The following BUB1B variants were observed in gnomAD, a reference collection of about 807,000 sequenced individuals.
The protein encoded by BUB1B is mitotic checkpoint serine/threonine-protein kinase BUB1 beta.
In BUB1B, 86 loss-of-function variants were observed where a neutral mutation model predicts 137.7. The observed-to-expected ratio is 0.62, with a 90% CI of 0.52 to 0.75. The LOEUF (loss-of-function observed/expected upper bound fraction) is 0.75. Among genes scored for constraint, BUB1B ranks in the 30% least tolerant of loss-of-function variants. The probability of loss-of-function intolerance (pLI) is 0.00; values close to 1 mark genes in which losing one functional copy is unlikely to be tolerated. For missense variants in BUB1B, 1,130 were observed against 1,236.9 expected, an observed-to-expected ratio of 0.91 and a Z score of 1.30; for synonymous variants, 420 against 417.9, an observed-to-expected ratio of 1.00 and a Z score of -0.06.
chr15:40,186,110 G>A (rs1214797956), intron 8 of BUB1B, among the ~76,000 whole-genome samples: 4 of 152,174 alleles, frequency 2.6e-5, no homozygotes, highest in Non-Finnish European at 5.9e-5. Context: ...GGCGGTATTT[G>A]GGCAGGGTAG....
Position 40,218,471 on chromosome 15 carries a change from A to G in BUB1B, c.2866A>G (p.Ile956Val), listed in dbSNP as rs775844666. The change falls in exon 22 of 23, where the codon ATA (isoleucine) becomes GTA (valine). Residue 956 changes from isoleucine to valine, a missense_variant. Physicochemically the swap from Ile to Val is conservative, Grantham distance 29. Coordinates refer to ENST00000287598, the MANE Select transcript of BUB1B (RefSeq NM_001211.6). ...SSPYQVDLFG[I>V]ADLAHLLLFK... Reference sequence around the variant, plus strand: ...GTGATTTCAGGTAGACCTGTTTGGTATAGCAGATTTAGCACATTTACTATT... The same window carrying G: ...GTGATTTCAGGTAGACCTGTTTGGTGTAGCAGATTTAGCACATTTACTATT... 9.9e-6 allele frequency: 16 copies of G among 1,613,488 alleles called. No individual in the cohort carries two copies. The highest frequency in any genetic ancestry group is 3.3e-5 in the Admixed American group (2 of 59,998).
At chr15:40,190,120 G>A (rs1566822077) in intron 8 of BUB1B, among the ~76,000 whole-genome samples, 1 of 152,258 alleles carries the variant, frequency 6.6e-6, no homozygotes, top group East Asian at 1.9e-4. Context: ...AAACTTGATA[G>A]TACCAAACCA....
At chr15:40,163,531 G>A (rs981966859) in intron 1 of BUB1B, among the ~76,000 whole-genome samples, 3 of 152,138 alleles carry the variant, frequency 2.0e-5, no homozygotes, top group African/African-American at 7.2e-5. Context: ...ACTTTGTGGT[G>A]GTAGGAGGTA....
rs1216652807 is a variant in BUB1B, at chr15:40,209,766, A to G, written c.2275A>G (p.Ile759Val). ...GCCTAAGTTGGAAATTGAGAAGGAA[A>G]TTGAATTAGGTAAGTACCATTGAAC... ...PMPKLEIEKE[I>V]ELGNEDYCIK... Residue 759 changes from isoleucine (I) to valine (V), a missense_variant, in exon 17 of 23, where the codon ATT (isoleucine) becomes GTT (valine). Ile to Val is a conservative substitution (Grantham distance 29, BLOSUM62 3). Coordinates refer to ENST00000287598, the MANE Select transcript of BUB1B (RefSeq NM_001211.6). 6.2e-7 allele frequency: 1 copy of G among 1,614,146 alleles called. No homozygotes were observed. Among genetic ancestry groups the G allele is most frequent in the Admixed American group, 1.7e-5 (1 of 60,026 alleles).
intron 14 of BUB1B, 75 bp from the exon 15 acceptor site, chr15:40,206,109 A>T: frequency 6.9e-7 from 1 of 1,459,638 alleles, no homozygotes; most frequent in Non-Finnish European, 9.6e-7. Flanking sequence ...CACTGAGCTA[A>T]TATGTCTCTC....
intron 5 of BUB1B, among the ~76,000 whole-genome samples, chr15:40,180,971 CTG>C (rs1240115358): frequency 6.6e-6 from 1 of 151,760 alleles, no homozygotes; most frequent in African/African-American, 2.4e-5. Context: ...AATAAGAAAT[CTG>C]TAGTCATTTA....
intron 8 of BUB1B, among the ~76,000 whole-genome samples, chr15:40,191,973 G>C (rs937654845): frequency 2.0e-5 from 3 of 151,996 alleles, no homozygotes; most frequent in African/African-American, 7.2e-5. Context: ...TGACTATTCT[G>C]ATTCTCTTGT....
intron 8 of BUB1B, among the ~76,000 whole-genome samples, chr15:40,191,150 A>G (rs2037432549): frequency 6.6e-6 from 1 of 152,126 alleles, no homozygotes; most frequent in Non-Finnish European, 1.5e-5. Context: ...AGCATCCCAA[A>G]ATGCTGGGAT....
intron 15 of BUB1B, 88 bp downstream of exon 15, chr15:40,206,546 G>C: frequency 6.5e-7 from 1 of 1,544,622 alleles, no homozygotes. Flanking sequence ...CAGTTATCAA[G>C]TTCTTACTAA....
chr15:40,185,451 AC>A, intron 7 of BUB1B, 72 bp downstream of exon 7: 1 of 1,589,362 alleles, frequency 6.3e-7, no homozygotes, highest in South Asian at 1.1e-5. Context: ...AAGTATTTTT[AC>A]CATCTCTTTT....
chr15:40,185,137 C>G, intron 6 of BUB1B, 28 bp from the exon 7 acceptor site: 2 of 1,566,146 alleles, frequency 1.3e-6, no homozygotes, highest in Non-Finnish European at 1.8e-6. Flanking sequence ...AAACATTTTA[C>G]ATGAGGTTTT....
intron 6 of BUB1B, 55 bp downstream of exon 6, chr15:40,183,938 T>G: frequency 6.4e-7 from 1 of 1,569,726 alleles, no homozygotes; most frequent in Non-Finnish European, 8.7e-7. Context: ...GGTAAAATCA[T>G]GTAAGAAGAT....
intron 21 of BUB1B, 22 bp from the exon 22 acceptor site, chr15:40,218,434 A>G: frequency 6.4e-7 from 1 of 1,560,912 alleles, no homozygotes; most frequent in Non-Finnish European, 8.8e-7. Flanking sequence ...ATTTTAGCTG[A>G]TGGTGCTTTT....
rs1354561256 is a variant in BUB1B, at chr15:40,183,759, G to A, written c.627G>A (p.Glu209=). The A allele has an allele frequency of 1.2e-6, 2 of 1,614,088 alleles. No individual in the cohort carries two copies. Among genetic ancestry groups the A allele is most frequent in the Non-Finnish European group, 1.7e-6 (2 of 1,180,000 alleles). ...CTCGGCAAACTCTGTTGGCACTTGA[G>A]AAAGAAGAAGAGGAGGAAGTTTTTG... ...RVSRQTLLAL[E]KEEEEEVFES... Residue 209 remains glutamate (E), a synonymous_variant, in exon 6 of 23, where the codon GAG becomes GAA. Coordinates refer to ENST00000287598, the MANE Select transcript of BUB1B (RefSeq NM_001211.6).
intron 18 of BUB1B, among the ~76,000 whole-genome samples, chr15:40,211,353 G>A (rs1400825276): frequency 6.6e-6 from 1 of 151,960 alleles, no homozygotes; most frequent in Non-Finnish European, 1.5e-5. Context: ...TTAAGTATGG[G>A]ACATTGAAAG....
intron 3 of BUB1B, 58 bp downstream of exon 3, chr15:40,170,179 C>A (rs751094435): frequency 6.7e-7 from 1 of 1,502,568 alleles, no homozygotes; most frequent in Non-Finnish European, 9.3e-7. Context: ...TCCTTATGGC[C>A]ATGTTTCTCA....
In BUB1B at chr15:40,183,710, T is replaced by G; in HGVS notation, c.582-4T>G. The G allele has an allele frequency of 6.2e-7, 1 of 1,613,998 alleles. No individual in the cohort carries two copies. Among genetic ancestry groups the G allele is most frequent in the Non-Finnish European group, 8.5e-7 (1 of 1,179,902 alleles). ...ACTAAAAGTTGTGCATTCTGCTACT[T>G]TAGACAATTCCAAGCTCGAGTGTCT... is the stretch of plus-strand genomic sequence containing the variant. On this transcript the variant is annotated splice_polypyrimidine_tract_variant and splice_region_variant and intron_variant, in intron 5 of 22. Transcript: ENST00000287598.
chr15:40,192,840 C>T (rs572407375), intron 8 of BUB1B, among the ~76,000 whole-genome samples: 2 of 152,206 alleles, frequency 1.3e-5, no homozygotes, highest in Admixed American at 6.5e-5. Flanking sequence ...AATAAGGTTG[C>T]GGTAGACATT....
rs756759220 is a variant in BUB1B at position 40,185,305 on chromosome 15, C to T, written c.892C>T (p.Pro298Ser). 5 of 1,614,090 alleles carry T rather than the reference C, an allele frequency of 3.1e-6. No individual in the cohort carries two copies. Among genetic ancestry groups the T allele is most frequent in the South Asian group, 2.2e-5 (2 of 91,082 alleles). The change falls in exon 7 of 23, where the codon CCC becomes TCC. Residue 298 changes from proline (P) to serine (S), a missense_variant. By Grantham distance (74) the Pro-to-Ser change is moderately conservative (BLOSUM62 -1). Coordinates refer to ENST00000287598, the MANE Select transcript of BUB1B (RefSeq NM_001211.6). The stretch of plus-strand genomic sequence containing the variant: ...GCCTACAGTCCAGCCATGGATAGCA[C>T]CCCCCATGCCCAGGGCCAAAGAGAA... Reference protein sequence around the residue: ...SKPTVQPWIAPPMPRAKENEL... With the variant: ...SKPTVQPWIASPMPRAKENEL...
Sources: gnomAD v4.1 joint callset for allele counts (sites outside exome capture counted in the v4.1 genomes callset) on GRCh38, gnomAD v4.1.1 for gene constraint, MANE v1.5 for transcripts, NCBI Gene and HGNC (gene_info 2026-07-23, HGNC 2026-07-21) for gene names.